TACC1: variants seen among roughly 807,000 people sequenced by gnomAD.
TACC1 encodes the protein transforming acidic coiled-coil containing protein 1.
A neutral mutation model predicts 84.4 loss-of-function variants in TACC1; 48 were observed. The observed-to-expected ratio is 0.57, with a 90% CI of 0.45 to 0.72. TACC1 has a LOEUF of 0.72. Ranked by LOEUF, TACC1 falls within the 30% of genes least tolerant of loss-of-function variation. The pLI, the probability that TACC1 is intolerant of heterozygous loss-of-function variation, is 0.00. For missense variants in TACC1, 920 were observed against 973.0 expected (o/e 0.95, Z 0.72); for synonymous variants, 372 against 376.3 (o/e 0.99, Z 0.13).
intron 3 of TACC1, among the ~76,000 whole-genome samples, chr8:38,750,571 C>T (rs1439393861): frequency 6.6e-6 from 1 of 152,112 alleles, no homozygotes; most frequent in African/African-American, 2.4e-5. Flanking sequence ...AAGAAACCCA[C>T]AATAAAAGCT....
At chr8:38,798,841 A>G (rs1252187093) in intron 2 of TACC1, among the ~76,000 whole-genome samples, 1 of 152,076 alleles carries the variant, frequency 6.6e-6, no homozygotes. Flanking sequence ...CATTCCTGGA[A>G]AAGGGCCTAT....
chr8:38,783,235 G>A (rs1052787091), upstream of TACC1, among the ~76,000 whole-genome samples: 28 of 151,286 alleles, frequency 1.9e-4, no homozygotes, highest in African/African-American at 6.8e-4. Context: ...ATACTTCCTG[G>A]GGAAAGCAAA....
intron 2 of TACC1, among the ~76,000 whole-genome samples, chr8:38,793,528 G>A (rs1819252770): frequency 1.3e-5 from 2 of 151,788 alleles, no homozygotes; most frequent in Non-Finnish European, 2.9e-5. Flanking sequence ...GGACTGTATG[G>A]TTTGTGAATT....
chr8:38,788,879 A>G lies in TACC1; in HGVS notation c.277+60A>G, dbSNP rs949010877. 7.4e-5 allele frequency: 101 copies of G among 1,358,944 alleles called. No homozygotes were observed. The East Asian group carries it at 1.0e-3, about 14-fold the overall frequency. 84.2% of individuals were successfully genotyped at this position (1,358,944 alleles called of 1,614,324 possible). ...GTTTCAAAAGTTTTGAAAAATATCA[A>G]TGAAGGAAGGAAAAAAGTGTAAATT... On this transcript the variant is annotated intron_variant, in intron 2 of 12. Transcript: ENST00000317827.
At chr8:38,827,711 A>C in intron 5 of TACC1, 1 of 273,164 alleles carries the variant, frequency 3.7e-6, no homozygotes. Flanking sequence ...AATACCTGAG[A>C]ATGGCTAATT....
chr8:38,822,991 A>G (rs1224303133), intron 3 of TACC1, among the ~76,000 whole-genome samples: 1 of 152,242 alleles, frequency 6.6e-6, no homozygotes, highest in Non-Finnish European at 1.5e-5. Flanking sequence ...GACCAATGAG[A>G]TGCAGGATGA....
At chr8:38,761,403 G>A (rs1259415383) in intron 3 of TACC1, among the ~76,000 whole-genome samples, 1 of 152,228 alleles carries the variant, frequency 6.6e-6, no homozygotes, top group East Asian at 1.9e-4. Context: ...TTAGCATAAG[G>A]TCAGTAGCAA....
At chr8:38,816,166 A>T (rs923091258) in intron 2 of TACC1, among the ~76,000 whole-genome samples, 3 of 152,200 alleles carry the variant, frequency 2.0e-5, no homozygotes, top group Non-Finnish European at 4.4e-5. Context: ...TTGAGTTATT[A>T]ACAATATCTA....
intron 3 of TACC1, among the ~76,000 whole-genome samples, chr8:38,759,611 A>G (rs538900597): frequency 2.2e-4 from 33 of 152,358 alleles, no homozygotes; most frequent in African/African-American, 7.2e-4. Context: ...AAAGCAATCA[A>G]CATGAAAGCC....
intron 3 of TACC1, among the ~76,000 whole-genome samples, chr8:38,773,613 T>TCTAGCTATCTAGCTAG (rs1814168508): frequency 6.6e-6 from 1 of 151,222 alleles, no homozygotes; most frequent in Non-Finnish European, 1.5e-5. Context: ...TAGCTATCTA[T>TCTAGCTATCTAGCTAG]CTAGCTATCT....
chr8:38,764,003 C>T (rs1307322547), intron 3 of TACC1, among the ~76,000 whole-genome samples: 1 of 152,078 alleles, frequency 6.6e-6, no homozygotes, highest in Non-Finnish European at 1.5e-5. Context: ...TATATATTGC[C>T]AAATTTCCCT....
Position 38,836,298 on chromosome 8 carries a change from T to C in TACC1, c.1839+11T>C. ...TTAATAAGAGAAGAGGTAAAAGCTC[T>C]CCTGTTTAGTCTGCTTATCACTCCA... On this transcript the variant is annotated intron_variant, in intron 7 of 12. Transcript: ENST00000317827. 1 of 1,603,386 alleles carries C rather than the reference T, an allele frequency of 6.2e-7. No homozygotes were observed. Among genetic ancestry groups the C allele is most frequent in the Non-Finnish European group, 8.5e-7 (1 of 1,178,374 alleles).
chr8:38,787,833 C>G, intron 1 of TACC1, 90 bp downstream of exon 1: 2 of 1,253,266 alleles, frequency 1.6e-6, no homozygotes, highest in South Asian at 1.6e-5. Flanking sequence ...GGTCGCCACC[C>G]GCGAAACCGT....
At chr8:38,842,153 T>A (rs554666730) in intron 9 of TACC1, 134 bp from the exon 10 acceptor site, 1 of 1,002,274 alleles carries the variant, frequency 1.0e-6, no homozygotes, top group Non-Finnish European at 1.5e-6. Context: ...CTCCCCCAAC[T>A]AGAGTATAAG....
intron 5 of TACC1, among the ~76,000 whole-genome samples, chr8:38,828,887 T>C (rs1321669223): frequency 1.3e-5 from 2 of 152,212 alleles, no homozygotes; most frequent in African/African-American, 4.8e-5. Context: ...TATGAAGAGA[T>C]TATTTTCATG....
chr8:38,812,896 A>G (rs1012395262), intron 2 of TACC1, among the ~76,000 whole-genome samples: 6 of 152,362 alleles, frequency 3.9e-5, no homozygotes, highest in African/African-American at 1.2e-4. Flanking sequence ...AGCCCAGTAC[A>G]TAAAAATACT....
At position 38,831,153 on chromosome 8, in the gene TACC1, GGAA is replaced by G; in HGVS notation, c.1695_1697del (p.Glu565del). On this transcript the variant is annotated inframe_deletion, in exon 6 of 13. Transcript: ENST00000317827. ...TAGAGAAGGAGACGTGCCAGAAGAT[GGAA>G]GAAGACGGGTCCACTGTGCTTGTAA... The G allele has an allele frequency of 6.2e-7, 1 of 1,614,208 alleles. No homozygotes were observed. The highest frequency in any genetic ancestry group is 2.2e-5 in the East Asian group (1 of 44,888).
rs1023006671 is a variant in TACC1 at position 38,773,593 on chromosome 8, TCTATCTATCTAG to T, written c.27-15088_27-15077del. Among the ~76,000 whole-genome samples, 69 of 113,446 alleles carry T rather than the reference TCTATCTATCTAG, an allele frequency of 6.1e-4. 1 individual carries two copies. The highest frequency in any genetic ancestry group is 4.8e-3 in the Middle Eastern group (1 of 210). The allele number at this position is 113,446 out of a possible 152,430, so 74.4% of individuals were successfully genotyped here. ...ATCTAGCTAGCTATCTATCTAGCTA[TCTATCTATCTAG>T]CTATCTATCTAGCTATCTATCTGTT... On this transcript the variant is annotated intron_variant, in intron 3 of 14. Transcript: ENST00000518415.
At chr8:38,801,495 T>C (rs1821353087) in intron 2 of TACC1, among the ~76,000 whole-genome samples, 1 of 152,238 alleles carries the variant, frequency 6.6e-6, no homozygotes, top group Non-Finnish European at 1.5e-5. Context: ...TACAATTAAC[T>C]TTGCACCCTT....
Sources: gnomAD v4.1 joint callset for allele counts (sites outside exome capture counted in the v4.1 genomes callset) on GRCh38, gnomAD v4.1.1 for gene constraint, MANE v1.5 for transcripts, NCBI Gene and HGNC (gene_info 2026-07-23, HGNC 2026-07-21) for gene names.